RBFOX1: variants seen among roughly 807,000 people sequenced by gnomAD.
RBFOX1 encodes RNA binding protein fox-1 homolog 1.
A neutral mutation model predicts 57.7 loss-of-function variants in RBFOX1; 8 were observed. The observed-to-expected ratio is 0.14, with a 90% confidence interval of 0.08 to 0.25. RBFOX1 has a LOEUF of 0.25. Among genes scored for constraint, RBFOX1 ranks in the 10% least tolerant of loss-of-function variants. The pLI is 1.00. For missense variants in RBFOX1, 611 were observed against 548.5 expected (o/e 1.11, Z -1.14); for synonymous variants, 326 against 222.4 (o/e 1.47, Z -4.15).
At chr16:5,871,121 C>A (rs1410818516) in intron 4 of RBFOX1, among the ~76,000 whole-genome samples, 2 of 152,226 alleles carry the variant, frequency 1.3e-5, no homozygotes, top group Non-Finnish European at 2.9e-5. Flanking sequence ...TATGCCACCC[C>A]TCCCTGCACC....
chr16:6,104,804 C>T (rs2096358555), intron 1 of RBFOX1, among the ~76,000 whole-genome samples: 2 of 152,156 alleles, frequency 1.3e-5, no homozygotes, highest in South Asian at 2.1e-4. Flanking sequence ...AAACATTATG[C>T]ACATATTATG....
intron 2 of RBFOX1, among the ~76,000 whole-genome samples, chr16:6,329,521 C>A (rs1197948128): frequency 1.3e-5 from 2 of 152,134 alleles, no homozygotes; most frequent in East Asian, 3.9e-4. Flanking sequence ...GACTGTAAGT[C>A]TCATCAAAGA....
chr16:6,781,263 A>G (rs947428678), intron 3 of RBFOX1, among the ~76,000 whole-genome samples: 17 of 152,110 alleles, frequency 1.1e-4, no homozygotes, highest in African/African-American at 4.1e-4. Flanking sequence ...CCATCCTTTT[A>G]TCGCAGGAAT....
intron 1 of RBFOX1, among the ~76,000 whole-genome samples, chr16:6,078,738 T>C (rs1375121497): frequency 1.3e-5 from 2 of 152,192 alleles, no homozygotes; most frequent in Admixed American, 1.3e-4. Context: ...CTATCAATGT[T>C]GTTATTTGAT....
intron 1 of RBFOX1, among the ~76,000 whole-genome samples, chr16:5,324,498 C>G (rs2064506271): frequency 6.6e-6 from 1 of 152,046 alleles, no homozygotes; most frequent in Admixed American, 6.6e-5. Flanking sequence ...AGCCCTGCCC[C>G]AAACCTTATT....
At chr16:7,529,926 T>C (rs566069169) in intron 5 of RBFOX1, among the ~76,000 whole-genome samples, 5 of 149,196 alleles carry the variant, frequency 3.4e-5, no homozygotes, top group African/African-American at 1.2e-4. Flanking sequence ...GGAGAATCAC[T>C]TGAATGCAGG....
intron 3 of RBFOX1, among the ~76,000 whole-genome samples, chr16:7,016,138 G>C (rs1215142563): frequency 3.3e-5 from 5 of 152,150 alleles, no homozygotes; most frequent in South Asian, 2.1e-4. Context: ...GCATGGAAGA[G>C]TGAGACACCA....
At chr16:6,017,774 C>T (rs1365731570), upstream of RBFOX1, among the ~76,000 whole-genome samples, 1 of 152,082 alleles carries the variant, frequency 6.6e-6, no homozygotes, top group Non-Finnish European at 1.5e-5. Context: ...CAAGAGGAAC[C>T]CTTAAGGAAT....
At chr16:6,850,546 G>T (rs4786125) in intron 3 of RBFOX1, among the ~76,000 whole-genome samples, 1 of 151,964 alleles carries the variant, frequency 6.6e-6, no homozygotes, top group East Asian at 1.9e-4. Context: ...GGCCAGATCT[G>T]TACCCACACA....
chr16:5,699,482 A>T (rs2050959197), intron 3 of RBFOX1, among the ~76,000 whole-genome samples: 2 of 151,244 alleles, frequency 1.3e-5, no homozygotes, highest in Admixed American at 1.3e-4. Context: ...AGTGGTTCTT[A>T]ACTGAAGGCA....
chr16:7,138,268 A>T (rs1195434329), intron 4 of RBFOX1, among the ~76,000 whole-genome samples: 1 of 152,184 alleles, frequency 6.6e-6, no homozygotes, highest in Non-Finnish European at 1.5e-5. Context: ...GCAGATATAA[A>T]GGGAGAAAAA....
At chr16:6,684,805 T>G (rs2059183856) in intron 3 of RBFOX1, among the ~76,000 whole-genome samples, 1 of 152,236 alleles carries the variant, frequency 6.6e-6, no homozygotes, top group African/African-American at 2.4e-5. Context: ...GAAAAATTCC[T>G]TAAAGCATTT....
At chr16:6,794,224 G>C (rs774899377) in intron 3 of RBFOX1, among the ~76,000 whole-genome samples, 27 of 151,370 alleles carry the variant, frequency 1.8e-4, no homozygotes, top group Non-Finnish European at 3.7e-4. Context: ...GTGACTTTTA[G>C]GTCCTCTCAG....
intron 3 of RBFOX1, among the ~76,000 whole-genome samples, chr16:6,813,299 A>G (rs1447318210): frequency 6.6e-6 from 1 of 152,140 alleles, no homozygotes; most frequent in Non-Finnish European, 1.5e-5. Flanking sequence ...TATTCCATGA[A>G]ACAACCCTCT....
At chr16:7,061,835 C>G (rs571861402) in intron 4 of RBFOX1, among the ~76,000 whole-genome samples, 7 of 152,064 alleles carry the variant, frequency 4.6e-5, no homozygotes, top group Admixed American at 3.3e-4. Flanking sequence ...CCTTTGAGGT[C>G]TAAATACCAT....
intron 2 of RBFOX1, among the ~76,000 whole-genome samples, chr16:5,545,959 CTA>C (rs911387317): frequency 2.6e-5 from 4 of 151,652 alleles, no homozygotes; most frequent in Admixed American, 2.6e-4. Flanking sequence ...TGCTGAACAA[CTA>C]TGAATTTAGT....
chr16:6,638,046 G>C (rs890335623), intron 2 of RBFOX1, among the ~76,000 whole-genome samples: 1 of 151,894 alleles, frequency 6.6e-6, no homozygotes, highest in Non-Finnish European at 1.5e-5. Context: ...ACACCTTTAG[G>C]GGTAGACTAA....
At position 6,622,303 on chromosome 16, in the gene RBFOX1, C is replaced by A. The variant is rs570042519; in HGVS notation, c.-63-32300C>A. Among the ~76,000 whole-genome samples the A allele has an allele frequency of 2.0e-5, 3 of 152,200 alleles. No individual in the cohort carries two copies. The East Asian group carries it at 5.8e-4, about 29-fold the overall frequency. On this transcript the variant is annotated intron_variant, in intron 2 of 15. Transcript: ENST00000550418. Reference sequence around the variant, plus strand: ...GTCCTATAAGATTATAATGGAATTGCCCTATACAGATGTATAATTTTTTAT... The same window carrying A: ...GTCCTATAAGATTATAATGGAATTGACCTATACAGATGTATAATTTTTTAT...
At chr16:6,369,401 G>A (rs1002546899) in intron 2 of RBFOX1, among the ~76,000 whole-genome samples, 26 of 152,120 alleles carry the variant, frequency 1.7e-4, no homozygotes, top group African/African-American at 5.1e-4. Context: ...AAAAAGAAAG[G>A]AGGCATTGTT....
Sources: allele counts gnomAD v4.1 joint callset (sites outside exome capture counted in the v4.1 genomes callset), GRCh38; gene constraint gnomAD v4.1.1; transcripts MANE v1.5; gene names NCBI Gene and HGNC (gene_info 2026-07-23, HGNC 2026-07-21).